Variants in HGFAC observed in about 807,000 individuals in gnomAD.
The protein encoded by HGFAC is HGF activator.
In HGFAC, 76 loss-of-function variants were observed where a neutral mutation model predicts 70.6. The observed-to-expected ratio is 1.08, with a 90% confidence interval of 0.89 to 1.30. The LOEUF (loss-of-function observed/expected upper bound fraction) is 1.30, where lower values mean the gene tolerates loss of function less well. Ranked by LOEUF, HGFAC falls within the 50% of genes most tolerant of loss-of-function variation. The pLI is 0.00. For missense variants in HGFAC, 1,044 were observed against 933.7 expected, an observed-to-expected ratio of 1.12 and a Z score of -1.54; for synonymous variants, 464 against 405.3, an observed-to-expected ratio of 1.14 and a Z score of -1.74.
At chr4:3,442,994 T>C in intron 2 of HGFAC, 56 bp from the exon 3 acceptor site, 2 of 1,542,342 alleles carry the variant, frequency 1.3e-6, no homozygotes, top group Non-Finnish European at 1.8e-6. Flanking sequence ...CTGGAGGTCC[T>C]GAGGGGCTCG....
chr4:3,447,408 G>A (rs1232158656), intron 10 of HGFAC, 84 bp from the exon 11 acceptor site: 16 of 1,523,356 alleles, frequency 1.1e-5, no homozygotes, highest in African/African-American at 6.8e-5. Context: ...ATTGGCCTCC[G>A]TGGGCCTGAC....
Position 3,444,405 on chromosome 4 carries a change from C to G in HGFAC, c.693C>G (p.Phe231Leu), listed in dbSNP as rs1987546. The G allele has an allele frequency of 0.69, 1,112,171 of 1,602,938 alleles. 389,112 individuals are homozygous for G. The highest frequency in any genetic ancestry group is 0.95 in the East Asian group (42,080 of 44,488). ...GCCACGTGGAACAGTGCGAGTGCTT[C>G]GGGGGCCGGACCTGGTGCGAAGGCA... ...RQGHVEQCEC[F>L]GGRTWCEGTR... is the part of the protein sequence containing the mutation. The change falls in exon 6 of 14, where the codon TTC becomes TTG. Residue 231 changes from phenylalanine (F) to leucine (L), a missense_variant. Transcript: ENST00000382774.
At chr4:3,441,317 TG>T (rs1375812296), upstream of HGFAC, among the ~76,000 whole-genome samples, 1 of 152,136 alleles carries the variant, frequency 6.6e-6, no homozygotes, top group African/African-American at 2.4e-5. This position sits in a 1 kb window ranked among gnomAD's most constrained non-coding sequence, Gnocchi z 6.0. Flanking sequence ...AGGGACACTC[TG>T]AACATCACCA....
In HGFAC at chr4:3,448,031, TGAGAG is replaced by T; in HGVS notation, c.1633_1636+1del. 6.4e-7 allele frequency: 1 copy of T among 1,557,068 alleles called. No homozygotes were observed. The highest frequency in any genetic ancestry group is 1.9e-5 in the Admixed American group (1 of 51,856). ...AGATTGCGGGCTGGGGCCACTTGGA[TGAGAG>T]TGAGTTGGGAGGGGGGCGCCCAGCG... On this transcript the variant is annotated splice_donor_variant and coding_sequence_variant, in exon 12 of 14. Transcript: ENST00000382774. LOFTEE classifies it high-confidence loss of function.
In HGFAC at chr4:3,448,287, G is replaced by T. The variant is rs770059595; in HGVS notation, c.1785+11G>T. 32 of 1,607,422 alleles carry T rather than the reference G, an allele frequency of 2.0e-5. No individual in the cohort carries two copies. The highest frequency in any genetic ancestry group is 2.7e-5 in the Non-Finnish European group (32 of 1,179,192). Reference sequence around the variant, plus strand: ...TCCGACGCCTGCCAGGTGAGCTGGTGCCCGCCCCACCAGGACCCGACTGGT... The same window carrying T: ...TCCGACGCCTGCCAGGTGAGCTGGTTCCCGCCCCACCAGGACCCGACTGGT... On this transcript the variant is annotated intron_variant, in intron 13 of 13. Coordinates refer to ENST00000382774, the MANE Select transcript of HGFAC (RefSeq NM_001528.4).
chr4:3,447,633 T>C lies in HGFAC; in HGVS notation c.1495+2T>C, dbSNP rs139240360. The C allele has an allele frequency of 6.1e-5, 99 of 1,611,906 alleles. 1 individual carries two copies. The highest frequency in any genetic ancestry group is 1.6e-4 in the Middle Eastern group (1 of 6,078). On this transcript the variant is annotated splice_donor_variant, in intron 11 of 13. Transcript: ENST00000382774. LOFTEE classifies it high-confidence loss of function. ...TCAACCCCAGCGACCACGACCTCGGTGAGCTCCGGCGTGTCGTGGCTGCAC... is the reference window on the plus strand; with the variant it reads ...TCAACCCCAGCGACCACGACCTCGGCGAGCTCCGGCGTGTCGTGGCTGCAC...
At chr4:3,444,785 C>T in intron 7 of HGFAC, 34 bp from the exon 8 acceptor site, 2 of 1,579,630 alleles carry the variant, frequency 1.3e-6, no homozygotes, top group Non-Finnish European at 8.6e-7. Context: ...GGTGGACCCA[C>T]CGTGGGCCGG....
intron 13 of HGFAC, 123 bp downstream of exon 13, chr4:3,448,399 A>G: frequency 8.2e-7 from 1 of 1,221,734 alleles, no homozygotes. Context: ...AGGGCCAGCC[A>G]GGGACCCCTG....
chr4:3,443,714 G>A (rs1482429929), intron 4 of HGFAC, among the ~76,000 whole-genome samples: 1 of 152,160 alleles, frequency 6.6e-6, no homozygotes, highest in Non-Finnish European at 1.5e-5. Flanking sequence ...GGCAGGGTCT[G>A]TGGGGTGCGG....
chr4:3,445,919 G>C, intron 9 of HGFAC, 123 bp from the exon 10 acceptor site: 1 of 1,552,496 alleles, frequency 6.4e-7, no homozygotes, highest in Non-Finnish European at 8.7e-7. Flanking sequence ...CAGGGCCTGA[G>C]CAGCGTGGAC....
chr4:3,447,480 C>G lies in HGFAC; in HGVS notation c.1356-12C>G, dbSNP rs375061661. The G allele has an allele frequency of 6.2e-7, 1 of 1,611,970 alleles. No individual in the cohort carries two copies. Among genetic ancestry groups the G allele is most frequent in the Non-Finnish European group, 8.5e-7 (1 of 1,179,584 alleles). ...GGGCTGGTCCATGCAGCCTCCAGCC[C>G]CCCTTGCACAGCCCCCCCAGGGACA... On this transcript the variant is annotated splice_polypyrimidine_tract_variant and intron_variant, in intron 10 of 13. Transcript: ENST00000382774.
chr4:3,443,179 G>T, intron 3 of HGFAC, 33 bp downstream of exon 3: 1 of 1,441,514 alleles, frequency 6.9e-7, no homozygotes, highest in Non-Finnish European at 9.3e-7. Context: ...CCCGAGCTGG[G>T]GTCACCTGCC....
chr4:3,447,002 A>G (rs1725533315), intron 10 of HGFAC, among the ~76,000 whole-genome samples: 1 of 152,166 alleles, frequency 6.6e-6, no homozygotes, highest in African/African-American at 2.4e-5. Context: ...GGTTCCCCAC[A>G]TGGAGCCCAG....
chr4:3,449,262 G>C lies in HGFAC; in HGVS notation c.1811G>C (p.Cys604Ser), dbSNP rs1350151581. 6.2e-7 allele frequency: 1 copy of C among 1,612,210 alleles called. No homozygotes were observed. Among genetic ancestry groups the C allele is most frequent in the Non-Finnish European group, 8.5e-7 (1 of 1,179,608 alleles). Residue 604 changes from cysteine to serine, a missense_variant, in exon 14 of 14, where the codon TGC becomes TCC. Transcript: ENST00000382774. ...GGGGACTCAGGGGGGCCCCTGGCCT[G>C]CGAGAAGAACGGCGTGGCTTACCTC... ...CQGDSGGPLA[C>S]EKNGVAYLYG...
In HGFAC at chr4:3,446,168, G is replaced by A. The variant is rs1213589551; in HGVS notation, c.1229G>A (p.Gly410Asp). ...ACGTTCCTGCGGCCACGTATCATCGGCGGCTCCTCCTCGCTGCCCGGCTCG... is the reference window on the plus strand; with the variant it reads ...ACGTTCCTGCGGCCACGTATCATCGACGGCTCCTCCTCGCTGCCCGGCTCG... ...KRTFLRPRII[G>D]GSSSLPGSHP... The change falls in exon 10 of 14, where the codon GGC (glycine) becomes GAC (aspartate). Residue 410 changes from glycine (G) to aspartate (D), a missense_variant. Physicochemically the swap from Gly to Asp is moderately conservative, Grantham distance 94 (BLOSUM62 -1). Coordinates refer to ENST00000382774, the MANE Select transcript of HGFAC (RefSeq NM_001528.4). 6.2e-7 allele frequency: 1 copy of A among 1,611,538 alleles called. No homozygotes were observed. Among genetic ancestry groups the A allele is most frequent in the African/African-American group, 1.3e-5 (1 of 75,030 alleles).
At chr4:3,443,937 C>T (rs1016589333) in intron 4 of HGFAC, 102 bp from the exon 5 acceptor site, 75 of 1,308,318 alleles carry the variant, frequency 5.7e-5, no homozygotes, top group South Asian at 1.2e-4. Context: ...CTCTCAGAGC[C>T]CCTCACTGGG....
At chr4:3,447,148 G>A (rs1173377081) in intron 10 of HGFAC, among the ~76,000 whole-genome samples, 1 of 152,200 alleles carries the variant, frequency 6.6e-6, no homozygotes, top group East Asian at 1.9e-4. Context: ...CTGGGGCAGG[G>A]CCTGAGCAGG....
In HGFAC at chr4:3,448,409, G is replaced by C. The variant is rs770074655; in HGVS notation, c.1785+133G>C. On this transcript the variant is annotated intron_variant, in intron 13 of 13. Coordinates refer to ENST00000382774, the MANE Select transcript of HGFAC (RefSeq NM_001528.4). ...CTGGCAGGGCCAGCCAGGGACCCCT[G>C]GGCAGGGAGCACACTTACTGTCGGT... The C allele has an allele frequency of 7.1e-4, 791 of 1,110,706 alleles. 1 individual carries two copies. Among genetic ancestry groups the C allele is most frequent in the Admixed American group, 1.0e-3 (41 of 39,296 alleles). 68.8% of individuals were successfully genotyped at this position (1,110,706 alleles called of 1,614,324 possible). A position where few individuals can be genotyped will look rare whatever the true frequency, so the allele number is the denominator to read the frequency against.
At chr4:3,445,966 C>T in intron 9 of HGFAC, 76 bp from the exon 10 acceptor site, 1 of 1,576,880 alleles carries the variant, frequency 6.3e-7, no homozygotes, top group African/African-American at 1.3e-5. Flanking sequence ...GCGCCTCCTG[C>T]CGGGTAGGGC....
Sources: gnomAD v4.1 joint callset for allele counts (sites outside exome capture counted in the v4.1 genomes callset) on GRCh38, gnomAD v4.1.1 for gene constraint, Gnocchi (gnomAD v3.1) non-coding constraint, MANE v1.5 for transcripts, NCBI Gene and HGNC (gene_info 2026-07-23, HGNC 2026-07-21) for gene names.